Variants in ACAP2 observed in about 807,000 individuals in gnomAD.
ACAP2 encodes arf-GAP with coiled-coil, ANK repeat and PH domain-containing protein 2.
A neutral mutation model predicts 115.8 loss-of-function variants in ACAP2; 39 were observed. The observed-to-expected ratio is 0.34, with a 90% confidence interval of 0.26 to 0.44. The LOEUF (loss-of-function observed/expected upper bound fraction) is 0.44, where lower values mean the gene tolerates loss of function less well. ACAP2 is among the 20% of genes least tolerant of loss of function. The probability of loss-of-function intolerance (pLI) is 1.00; values close to 1 mark genes in which losing one functional copy is unlikely to be tolerated. For synonymous variants in ACAP2, 289 were observed against 315.8 expected, an observed-to-expected ratio of 0.92 and a Z score of 0.90; for missense variants, 662 against 927.6, an observed-to-expected ratio of 0.71 and a Z score of 3.72.
chr3:195,434,713 C>G (rs1715401187), intron 1 of ACAP2, among the ~76,000 whole-genome samples: 1 of 152,198 alleles, frequency 6.6e-6, no homozygotes, highest in Non-Finnish European at 1.5e-5. Context: ...CCAGTGAAGT[C>G]ATCTTGGCCA....
chr3:195,432,825 G>GCC (rs1577476784), intron 1 of ACAP2, among the ~76,000 whole-genome samples: 1 of 152,158 alleles, frequency 6.6e-6, no homozygotes, highest in East Asian at 1.9e-4. Context: ...AACATGGGAT[G>GCC]TATTTCCATT....
At chr3:195,439,054 T>C (rs188902819) in intron 1 of ACAP2, among the ~76,000 whole-genome samples, 67 of 138,218 alleles carry the variant, frequency 4.8e-4, no homozygotes, top group Non-Finnish European at 4.5e-4. Context: ...AGAGCAGAAC[T>C]CTATCTCAAA....
intron 1 of ACAP2, among the ~76,000 whole-genome samples, chr3:195,417,705 T>C (rs879438995): frequency 6.6e-6 from 1 of 152,158 alleles, no homozygotes; most frequent in Non-Finnish European, 1.5e-5. Flanking sequence ...CCTAGCACTT[T>C]GGGAGGCCAA....
intron 6 of ACAP2, among the ~76,000 whole-genome samples, chr3:195,338,737 TTGTC>T (rs767453942): frequency 3.5e-4 from 54 of 152,346 alleles, no homozygotes; most frequent in South Asian, 1.2e-3. Context: ...CATTTTATTT[TTGTC>T]TGTTATTATC....
At chr3:195,288,584 G>T (rs374375022) in intron 21 of ACAP2, among the ~76,000 whole-genome samples, 1 of 152,154 alleles carries the variant, frequency 6.6e-6, no homozygotes, top group Non-Finnish European at 1.5e-5. Flanking sequence ...TCGGCCAGGC[G>T]CGGTGGCTCA....
chr3:195,341,589 C>T (rs1730883878), intron 6 of ACAP2, among the ~76,000 whole-genome samples: 1 of 152,084 alleles, frequency 6.6e-6, no homozygotes, highest in Non-Finnish European at 1.5e-5. Flanking sequence ...TCCCAAAGTG[C>T]TGGGATGACA....
chr3:195,284,125 G>A (rs111508106), intron 22 of ACAP2, among the ~76,000 whole-genome samples: 2 of 152,126 alleles, frequency 1.3e-5, no homozygotes, highest in Admixed American at 1.3e-4. Flanking sequence ...CTAATCAGCT[G>A]GGTGAACTTC....
intron 1 of ACAP2, among the ~76,000 whole-genome samples, chr3:195,397,150 A>G (rs951790067): frequency 2.0e-5 from 3 of 152,194 alleles, no homozygotes; most frequent in Non-Finnish European, 4.4e-5. Flanking sequence ...TATATAATAC[A>G]TGTATTTCTA....
chr3:195,320,348 T>A (rs1729368862), intron 10 of ACAP2, among the ~76,000 whole-genome samples: 1 of 152,228 alleles, frequency 6.6e-6, no homozygotes, highest in Non-Finnish European at 1.5e-5. Flanking sequence ...ATCATATTCA[T>A]AATTTGTACT....
intron 16 of ACAP2, 150 bp from the exon 17 acceptor site, chr3:195,296,042 T>C (rs1727638251): frequency 1.6e-6 from 1 of 614,462 alleles, no homozygotes. Flanking sequence ...CATATATATA[T>C]TATGTTTCCC....
intron 17 of ACAP2, chr3:195,295,228 G>T: frequency 7.7e-7 from 1 of 1,291,294 alleles, no homozygotes; most frequent in Non-Finnish European, 1.0e-6. Context: ...ATCAAAGTAG[G>T]AGAAGAGTGA....
At position 195,314,196 on chromosome 3, in the gene ACAP2, GT is replaced by G. The variant is rs751897649; in HGVS notation, c.858-5360del. Among the ~76,000 whole-genome samples, 88 of 112,198 alleles carry G rather than the reference GT, an allele frequency of 7.8e-4. 1 individual carries two copies. The highest frequency in any genetic ancestry group is 2.9e-3 in the African/African-American group (82 of 28,238). 73.6% of individuals were successfully genotyped at this position (112,198 alleles called of 152,430 possible). A position where few individuals can be genotyped will look rare whatever the true frequency, so the allele number is the denominator to read the frequency against. On this transcript the variant is annotated intron_variant, in intron 10 of 22. Coordinates refer to ENST00000326793, the MANE Select transcript of ACAP2 (RefSeq NM_012287.6). ...ACATTTCCCTGAGGAAGAAAATTTTGTTGTTTTTTTTTTTTTTAATTTTTGT... is the reference window on the plus strand; with the variant it reads ...ACATTTCCCTGAGGAAGAAAATTTTGTGTTTTTTTTTTTTTTAATTTTTGT...
chr3:195,325,937 G>A (rs763421658), intron 9 of ACAP2, among the ~76,000 whole-genome samples: 24 of 152,112 alleles, frequency 1.6e-4, no homozygotes, highest in Admixed American at 3.3e-4. Context: ...TAACTAGAAA[G>A]TAACTAACTT....
At chr3:195,284,311 G>A (rs900081842) in intron 22 of ACAP2, among the ~76,000 whole-genome samples, 1 of 152,038 alleles carries the variant, frequency 6.6e-6, no homozygotes, top group Non-Finnish European at 1.5e-5. Flanking sequence ...CCTCAAAAAC[G>A]GCCTAGTAAT....
Position 195,331,917 on chromosome 3 carries a change from G to C in ACAP2, c.669+1111C>G, listed in dbSNP as rs1306591323. Among the ~76,000 whole-genome samples, 2 of 151,862 alleles carry C rather than the reference G, an allele frequency of 1.3e-5. 1 individual carries two copies. The highest frequency in any genetic ancestry group is 1.3e-4 in the Admixed American group (2 of 15,246). On this transcript the variant is annotated intron_variant, in intron 8 of 22. Transcript: ENST00000326793. Reference sequence around the variant, plus strand: ...TGGGAGGCTGAGGCGGGCAGATCACGAGGTCAGGAGATCGAGACCAACCTG... The same window carrying C: ...TGGGAGGCTGAGGCGGGCAGATCACCAGGTCAGGAGATCGAGACCAACCTG...
intron 17 of ACAP2, 117 bp downstream of exon 17, chr3:195,295,591 A>T (rs1727590357): frequency 9.3e-7 from 1 of 1,075,428 alleles, no homozygotes; most frequent in African/African-American, 1.6e-5. Context: ...TAGAATATGT[A>T]GAAGGGAACA....
intron 4 of ACAP2, among the ~76,000 whole-genome samples, chr3:195,378,034 T>C (rs938322332): frequency 1.4e-5 from 2 of 140,178 alleles, no homozygotes; most frequent in Non-Finnish European, 3.0e-5. Flanking sequence ...GTTTCTCAAG[T>C]ATAAGGAATA....
intron 4 of ACAP2, among the ~76,000 whole-genome samples, chr3:195,352,576 T>C (rs1731684033): frequency 6.6e-6 from 1 of 152,220 alleles, no homozygotes; most frequent in African/African-American, 2.4e-5. Context: ...TTACATGTAT[T>C]TTAATAAGCA....
At chr3:195,366,838 G>A (rs1022122533) in intron 4 of ACAP2, among the ~76,000 whole-genome samples, 2 of 151,962 alleles carry the variant, frequency 1.3e-5, no homozygotes, top group Admixed American at 6.6e-5. Flanking sequence ...TACAGTCTCC[G>A]TAAATGGGAA....
Sources: allele counts gnomAD v4.1 joint callset (sites outside exome capture counted in the v4.1 genomes callset), GRCh38; gene constraint gnomAD v4.1.1; transcripts MANE v1.5; gene names NCBI Gene and HGNC (gene_info 2026-07-23, HGNC 2026-07-21).